The following NXPH1 variants were observed in gnomAD, a reference collection of about 807,000 sequenced individuals.
The protein encoded by NXPH1 is neurexophilin-1.
A neutral mutation model predicts 23.7 loss-of-function variants in NXPH1; 5 were observed. That is an observed-to-expected ratio of 0.21 (90% CI 0.11 to 0.44). The LOEUF is 0.44. Among genes scored for constraint, NXPH1 ranks in the 20% least tolerant of loss-of-function variants. The pLI is 0.99. For missense variants in NXPH1, 324 were observed against 321.6 expected, an observed-to-expected ratio of 1.01 and a Z score of -0.06; for synonymous variants, 144 against 122.2, an observed-to-expected ratio of 1.18 and a Z score of -1.18.
At chr7:8,743,383 T>C (rs1780402516) in intron 2 of NXPH1, among the ~76,000 whole-genome samples, 1 of 118,172 alleles carries the variant, frequency 8.5e-6, no homozygotes, top group African/African-American at 2.7e-5. Flanking sequence ...TAGTTGAAGA[T>C]TGTATATATA....
chr7:8,703,691 T>C (rs2115191343), intron 2 of NXPH1, among the ~76,000 whole-genome samples: 1 of 152,236 alleles, frequency 6.6e-6, no homozygotes, highest in African/African-American at 2.4e-5. Flanking sequence ...TGAGGAGCTT[T>C]CGAAAAAGAA....
At position 8,525,596 on chromosome 7, in the gene NXPH1, G is replaced by A. The variant is rs535053477; in HGVS notation, c.54+89829G>A. On this transcript the variant is annotated intron_variant, in intron 2 of 2. Transcript: ENST00000405863. ...GCCCAGGAGGAAAAAGTGGTTTCAT[G>A]GGTTGGGCCCAGGGTTCCCATGCTG... 9.2e-5 allele frequency among the ~76,000 whole-genome samples: 14 copies of A among 152,260 alleles called. No homozygotes were observed. The South Asian group carries it at 2.7e-3, about 29-fold the overall frequency.
At chr7:8,436,199 C>A (rs1816190299) in intron 2 of NXPH1, among the ~76,000 whole-genome samples, 1 of 152,060 alleles carries the variant, frequency 6.6e-6, no homozygotes, top group South Asian at 2.1e-4. Context: ...GTGAATCTAC[C>A]CACCCACTTC....
intron 2 of NXPH1, among the ~76,000 whole-genome samples, chr7:8,732,240 C>T (rs1780170632): frequency 6.6e-6 from 1 of 152,234 alleles, no homozygotes; most frequent in African/African-American, 2.4e-5. Context: ...CGCCCAGTGT[C>T]TGGCACTCCC....
intron 2 of NXPH1, among the ~76,000 whole-genome samples, chr7:8,575,264 T>G (rs1818730269): frequency 6.6e-6 from 1 of 152,204 alleles, no homozygotes; most frequent in African/African-American, 2.4e-5. Context: ...ATGATAAGTT[T>G]TCTTACTTCA....
intron 2 of NXPH1, among the ~76,000 whole-genome samples, chr7:8,483,578 G>T (rs1817109742): frequency 6.6e-6 from 1 of 151,980 alleles, no homozygotes; most frequent in Non-Finnish European, 1.5e-5. Flanking sequence ...CAAACGGCTG[G>T]GATTACAGGC....
intron 2 of NXPH1, among the ~76,000 whole-genome samples, chr7:8,561,351 G>GACACACAC (rs61219039): frequency 0.085 from 11,916 of 140,524 alleles, 540 homozygotes; most frequent in African/African-American, 0.1. Context: ...AAGCCTATGT[G>GACACACAC]ACACACACAC....
intron 2 of NXPH1, among the ~76,000 whole-genome samples, chr7:8,697,699 A>C (rs1009349225): frequency 2.0e-5 from 3 of 152,218 alleles, no homozygotes; most frequent in African/African-American, 4.8e-5. Flanking sequence ...TCTGTTATGG[A>C]AAATGCTTAC....
At chr7:8,729,082 C>G (rs1009526593) in intron 2 of NXPH1, among the ~76,000 whole-genome samples, 1 of 151,580 alleles carries the variant, frequency 6.6e-6, no homozygotes, top group South Asian at 2.1e-4. Context: ...GTGTATGTCT[C>G]GAGGAATTTA....
At chr7:8,509,692 G>C (rs920625388) in intron 2 of NXPH1, among the ~76,000 whole-genome samples, 5 of 152,046 alleles carry the variant, frequency 3.3e-5, no homozygotes, top group Non-Finnish European at 7.4e-5. Flanking sequence ...AAAGTCAGGC[G>C]TGACATGTCT....
At chr7:8,597,019 G>GT (rs1225797292) in intron 2 of NXPH1, among the ~76,000 whole-genome samples, 3 of 152,070 alleles carry the variant, frequency 2.0e-5, no homozygotes, top group African/African-American at 4.8e-5. Flanking sequence ...TGACACCTTG[G>GT]TAAAGCACTG....
At chr7:8,550,769 A>G (rs188974730) in intron 2 of NXPH1, among the ~76,000 whole-genome samples, 17 of 151,632 alleles carry the variant, frequency 1.1e-4, no homozygotes, top group African/African-American at 4.1e-4. Flanking sequence ...CTTGTATTTC[A>G]CTTAAGGTGA....
At chr7:8,436,293 C>A (rs1271575951) in intron 2 of NXPH1, among the ~76,000 whole-genome samples, 1 of 152,176 alleles carries the variant, frequency 6.6e-6, no homozygotes, top group African/African-American at 2.4e-5. Context: ...GTTTAACTAT[C>A]AGGGGTACTG....
At chr7:8,744,523 T>G (rs1780434669) in intron 2 of NXPH1, among the ~76,000 whole-genome samples, 1 of 152,198 alleles carries the variant, frequency 6.6e-6, no homozygotes, top group Non-Finnish European at 1.5e-5. Flanking sequence ...AAAGATATTC[T>G]TAGCATACTT....
intron 2 of NXPH1, among the ~76,000 whole-genome samples, chr7:8,674,917 G>A (rs1055228658): frequency 2.7e-4 from 41 of 152,106 alleles, no homozygotes; most frequent in African/African-American, 6.8e-4. Context: ...GGTATCTTAC[G>A]GTCAAGCCCT....
chr7:8,722,564 G>T (rs1265774770), intron 2 of NXPH1, among the ~76,000 whole-genome samples: 1 of 152,182 alleles, frequency 6.6e-6, no homozygotes, highest in Admixed American at 6.5e-5. Context: ...TTTTTTAGGG[G>T]TTTGCAAATG....
intron 2 of NXPH1, among the ~76,000 whole-genome samples, chr7:8,654,943 G>A (rs1378581614): frequency 6.6e-6 from 1 of 152,138 alleles, no homozygotes; most frequent in African/African-American, 2.4e-5. Flanking sequence ...ATGCAAAGGT[G>A]TGTGTATATG....
At chr7:8,649,409 A>C (rs889634197) in intron 2 of NXPH1, among the ~76,000 whole-genome samples, 2 of 152,172 alleles carry the variant, frequency 1.3e-5, no homozygotes, top group Admixed American at 6.5e-5. Flanking sequence ...CAAACATGAA[A>C]ATCACCATGC....
At chr7:8,532,395 A>G (rs188536666) in intron 2 of NXPH1, among the ~76,000 whole-genome samples, 17 of 123,490 alleles carry the variant, frequency 1.4e-4, no homozygotes, top group African/African-American at 4.7e-4. Context: ...GCCTGCCCCT[A>G]TGTTGTACCC....
Sources: allele counts gnomAD v4.1 joint callset (sites outside exome capture counted in the v4.1 genomes callset), GRCh38; gene constraint gnomAD v4.1.1; transcripts MANE v1.5; gene names NCBI Gene and HGNC (gene_info 2026-07-23, HGNC 2026-07-21).